SORBS2: variants seen among roughly 807,000 people sequenced by gnomAD.
SORBS2 encodes the protein sorbin and SH3 domain-containing protein 2.
Under a neutral mutation model 97.7 loss-of-function variants are expected in SORBS2, and 46 were observed. That is an observed-to-expected ratio of 0.47 (90% CI 0.37 to 0.60). The LOEUF (loss-of-function observed/expected upper bound fraction) is 0.60. Ranked by LOEUF, SORBS2 falls within the 20% of genes least tolerant of loss-of-function variation. SORBS2 has a pLI of 0.00. For missense variants in SORBS2, 1,316 were observed against 1,282.3 expected, an observed-to-expected ratio of 1.03 and a Z score of -0.40; for synonymous variants, 476 against 473.4, an observed-to-expected ratio of 1.01 and a Z score of -0.07.
intron 1 of SORBS2, among the ~76,000 whole-genome samples, chr4:185,932,090 G>T (rs1031502599): frequency 1.3e-5 from 2 of 151,520 alleles, no homozygotes; most frequent in Non-Finnish European, 2.9e-5. Context: ...ATATATGTGT[G>T]TGTTTATTAT....
At chr4:185,648,216 C>T (rs973553702) in intron 3 of SORBS2, among the ~76,000 whole-genome samples, 6 of 152,110 alleles carry the variant, frequency 3.9e-5, no homozygotes, top group African/African-American at 1.2e-4. Context: ...CACACCATGG[C>T]TTCCCAAAAT....
At chr4:185,865,127 G>T (rs146485682) in intron 1 of SORBS2, among the ~76,000 whole-genome samples, 2 of 152,092 alleles carry the variant, frequency 1.3e-5, no homozygotes, top group Non-Finnish European at 2.9e-5. Context: ...TTTCTGTTGC[G>T]TTTTCCTGTC....
chr4:185,701,752 C>A (rs2153533156), intron 2 of SORBS2, among the ~76,000 whole-genome samples: 1 of 149,142 alleles, frequency 6.7e-6, no homozygotes, highest in Non-Finnish European at 1.5e-5. Flanking sequence ...AATGGATGGG[C>A]CAAAAAGTTA....
chr4:185,847,270 T>A (rs1291868195), intron 1 of SORBS2, among the ~76,000 whole-genome samples: 1 of 152,172 alleles, frequency 6.6e-6, no homozygotes, highest in African/African-American at 2.4e-5. Context: ...CAAAATCTAA[T>A]TTTGTTATTT....
At chr4:185,869,674 G>A (rs148386766) in intron 1 of SORBS2, among the ~76,000 whole-genome samples, 3 of 152,344 alleles carry the variant, frequency 2.0e-5, no homozygotes, top group African/African-American at 7.2e-5. Context: ...TGATGCAAAT[G>A]GGGTTCTCTT....
At chr4:185,736,542 A>G (rs2098688899) in intron 2 of SORBS2, among the ~76,000 whole-genome samples, 1 of 152,182 alleles carries the variant, frequency 6.6e-6, no homozygotes, top group South Asian at 2.1e-4. Context: ...TACTTTTAAC[A>G]GTCTAAAAAT....
intron 2 of SORBS2, among the ~76,000 whole-genome samples, chr4:185,728,165 A>G (rs954159533): frequency 1.6e-4 from 24 of 152,066 alleles, no homozygotes; most frequent in Admixed American, 1.0e-3. Context: ...TCTCCCTTCC[A>G]TTATGGAGCC....
At chr4:185,800,522 C>T (rs983136542) in intron 1 of SORBS2, among the ~76,000 whole-genome samples, 2 of 152,078 alleles carry the variant, frequency 1.3e-5, no homozygotes, top group Non-Finnish European at 2.9e-5. Flanking sequence ...GGGCTGTCCT[C>T]GGTCCCTGGG....
chr4:185,907,967 A>G (rs2099252057), intron 1 of SORBS2, among the ~76,000 whole-genome samples: 3 of 152,116 alleles, frequency 2.0e-5, no homozygotes. Context: ...AGCTTAGTAT[A>G]AGGTGTAATT....
At position 185,782,250 on chromosome 4, in the gene SORBS2, T is replaced by C. The variant is rs2099034856; in HGVS notation, c.-337-6884A>G. Among the ~76,000 whole-genome samples the C allele has an allele frequency of 2.0e-5, 3 of 152,254 alleles. No homozygotes were observed. In the South Asian group the frequency reaches 6.2e-4, roughly 31 times the overall value. ...GCTGTTTCCAACCAAGACGATTCTC[T>C]GAAACATTGCTTTGTAGCTACATAT... On this transcript the variant is annotated intron_variant, in intron 1 of 20. Coordinates refer to the SORBS2 transcript ENST00000284776.
intron 4 of SORBS2, among the ~76,000 whole-genome samples, chr4:185,633,958 G>A (rs1581436086): frequency 6.6e-6 from 1 of 152,008 alleles, no homozygotes; most frequent in Non-Finnish European, 1.5e-5. Context: ...GTTGAAATAA[G>A]ACTCTTTCTG....
In SORBS2 at chr4:185,932,185, G is replaced by A. The variant is rs563197941; in HGVS notation, c.-338+24011C>T. Among the ~76,000 whole-genome samples, 247 of 151,942 alleles carry A rather than the reference G, an allele frequency of 1.6e-3. 1 individual carries two copies. The highest frequency in any genetic ancestry group is 5.8e-3 in the African/African-American group (240 of 41,404). On this transcript the variant is annotated intron_variant, in intron 1 of 20. Coordinates refer to the SORBS2 transcript ENST00000284776. ...GAGGAAATGAGCTGACTCAGAAGCA[G>A]CTGAACAGCAATGCTTGCGGGATTA...
chr4:185,834,301 T>C (rs1262474857), intron 1 of SORBS2, among the ~76,000 whole-genome samples: 1 of 152,064 alleles, frequency 6.6e-6, no homozygotes, highest in Admixed American at 6.6e-5. Flanking sequence ...CCCACCAGGC[T>C]CCACCTCCAA....
At chr4:185,646,668 T>C in exon 4 of SORBS2, 1 of 1,591,272 alleles carries the variant, frequency 6.3e-7, no homozygotes, top group Non-Finnish European at 8.6e-7. Context: ...AAGTGCTTAC[T>C]GGTCTTTCAT....
intron 1 of SORBS2, among the ~76,000 whole-genome samples, chr4:185,822,829 C>T (rs143473362): frequency 2.4e-4 from 37 of 151,980 alleles, no homozygotes; most frequent in Middle Eastern, 3.4e-3. Flanking sequence ...CTGAGAACGC[C>T]GGGAGTATAA....
intron 1 of SORBS2, among the ~76,000 whole-genome samples, chr4:185,813,911 T>C (rs919174769): frequency 9.9e-5 from 15 of 152,128 alleles, no homozygotes; most frequent in African/African-American, 3.4e-4. Flanking sequence ...CTATCAACTC[T>C]CTGGAAGCCA....
intron 1 of SORBS2, among the ~76,000 whole-genome samples, chr4:185,846,049 A>G (rs2099214344): frequency 6.6e-6 from 1 of 152,230 alleles, no homozygotes; most frequent in Admixed American, 6.5e-5. Flanking sequence ...ACTCCTTGGC[A>G]TTTATCCAAG....
At chr4:185,919,002 G>C (rs1158901188) in intron 1 of SORBS2, among the ~76,000 whole-genome samples, 1 of 152,170 alleles carries the variant, frequency 6.6e-6, no homozygotes, top group East Asian at 1.9e-4. Flanking sequence ...CAGAAGAAAA[G>C]CTTTGTAACT....
At chr4:185,587,558 G>T in exon 15 of SORBS2, 1 of 1,375,484 alleles carries the variant, frequency 7.3e-7, no homozygotes, top group Non-Finnish European at 1.0e-6. Context: ...GAGGCCCGCG[G>T]GGTGTTTCAG....
Sources: gnomAD v4.1 joint callset for allele counts (sites outside exome capture counted in the v4.1 genomes callset) on GRCh38, gnomAD v4.1.1 for gene constraint, MANE v1.5 for transcripts, NCBI Gene and HGNC (gene_info 2026-07-23, HGNC 2026-07-21) for gene names.